The following ASTN2 variants were observed in gnomAD, a reference collection of about 807,000 sequenced individuals.
The protein encoded by ASTN2 is astrotactin-2.
Under a neutral mutation model 139.8 loss-of-function variants are expected in ASTN2, and 54 were observed. The observed-to-expected ratio is 0.39, with a 90% CI of 0.31 to 0.48. The LOEUF (loss-of-function observed/expected upper bound fraction) is 0.48. ASTN2 is among the 20% of genes least tolerant of loss of function. The pLI is 0.95. For synonymous variants in ASTN2, 756 were observed against 719.5 expected, an observed-to-expected ratio of 1.05 and a Z score of -0.81; for missense variants, 1,565 against 1,725.1, an observed-to-expected ratio of 0.91 and a Z score of 1.64.
At chr9:117,315,101 A>G (rs1400791674) in intron 1 of ASTN2, among the ~76,000 whole-genome samples, 1 of 151,698 alleles carries the variant, frequency 6.6e-6, no homozygotes, top group African/African-American at 2.4e-5. Flanking sequence ...GATGTTTTCT[A>G]TCAAAATCTC....
chr9:117,407,804 T>G (rs752375207), intron 1 of ASTN2, among the ~76,000 whole-genome samples: 8 of 152,182 alleles, frequency 5.3e-5, no homozygotes, highest in Non-Finnish European at 1.0e-4. Context: ...TCTGCTCCAT[T>G]GCAAGGAAAG....
At chr9:117,241,816 G>A (rs1216565706) in intron 2 of ASTN2, among the ~76,000 whole-genome samples, 1 of 151,904 alleles carries the variant, frequency 6.6e-6, no homozygotes, top group Non-Finnish European at 1.5e-5. Context: ...GAGTGGTAGG[G>A]ACTGTGGCAA....
chr9:117,135,934 G>A (rs10983541), intron 4 of ASTN2, among the ~76,000 whole-genome samples: 18,980 of 152,116 alleles, frequency 0.12, 1,437 homozygotes, highest in Non-Finnish European at 0.17. Flanking sequence ...TGGGTTGGGG[G>A]TCAGGAGTAG....
intron 1 of ASTN2, among the ~76,000 whole-genome samples, chr9:117,343,706 A>G (rs988678121): frequency 3.3e-5 from 5 of 152,142 alleles, no homozygotes; most frequent in Non-Finnish European, 5.9e-5. Flanking sequence ...CTCCACCCAC[A>G]TATATAGTTC....
chr9:116,707,283 A>T, intron 16 of ASTN2, among the ~76,000 whole-genome samples: 1 of 110,816 alleles, frequency 9.0e-6, no homozygotes, highest in Non-Finnish European at 1.9e-5. Context: ...ATGCCCCCTG[A>T]CCAAAAAAAA....
intron 13 of ASTN2, among the ~76,000 whole-genome samples, chr9:116,762,363 TC>T (rs2132169999): frequency 6.6e-6 from 1 of 152,304 alleles, no homozygotes; most frequent in South Asian, 2.1e-4. Flanking sequence ...TCTTTGTCTA[TC>T]TTGCAGGGCC....
At chr9:117,147,500 A>G (rs1169276450) in intron 3 of ASTN2, among the ~76,000 whole-genome samples, 1 of 151,140 alleles carries the variant, frequency 6.6e-6, no homozygotes, top group Non-Finnish European at 1.5e-5. Context: ...CCACGCAACC[A>G]CCCAGGACGT....
chr9:117,248,490 G>C (rs570754448), intron 2 of ASTN2, among the ~76,000 whole-genome samples: 1 of 152,334 alleles, frequency 6.6e-6, no homozygotes, highest in Non-Finnish European at 1.5e-5. Context: ...GGGAGTGGCA[G>C]AATTGCATTG....
At chr9:116,982,401 A>G (rs949073015) in intron 7 of ASTN2, among the ~76,000 whole-genome samples, 4 of 152,174 alleles carry the variant, frequency 2.6e-5, no homozygotes, top group Admixed American at 2.6e-4. Flanking sequence ...GTTTGGGTTC[A>G]TATAATTATT....
At chr9:117,058,807 C>T (rs1839146864) in intron 5 of ASTN2, among the ~76,000 whole-genome samples, 1 of 152,056 alleles carries the variant, frequency 6.6e-6, no homozygotes. Context: ...AATAGGGGGA[C>T]ATGAGTGAGT....
chr9:116,671,081 T>C (rs1055516136), intron 16 of ASTN2, among the ~76,000 whole-genome samples: 1 of 152,146 alleles, frequency 6.6e-6, no homozygotes, highest in African/African-American at 2.4e-5. Flanking sequence ...GTAGGCAGTT[T>C]GACAATTATA....
intron 1 of ASTN2, among the ~76,000 whole-genome samples, chr9:117,328,948 G>A (rs1828610046): frequency 6.6e-6 from 1 of 152,214 alleles, no homozygotes; most frequent in African/African-American, 2.4e-5. Flanking sequence ...TTAAGGTTTG[G>A]ATGCCATCGA....
chr9:116,622,371 G>A (rs1424473660), intron 17 of ASTN2, among the ~76,000 whole-genome samples: 2 of 152,064 alleles, frequency 1.3e-5, no homozygotes, highest in African/African-American at 2.4e-5. Flanking sequence ...TTTCACCTGA[G>A]TTAAGTGTCA....
chr9:117,045,999 T>TGTACGTACGTAC (rs1564399860), intron 5 of ASTN2, among the ~76,000 whole-genome samples: 1 of 131,160 alleles, frequency 7.6e-6, no homozygotes, highest in Non-Finnish European at 1.6e-5. Context: ...TACGTATGTA[T>TGTACGTACGTAC]GTATGTATGT....
At chr9:116,799,067 C>T (rs1331294567) in intron 13 of ASTN2, among the ~76,000 whole-genome samples, 2 of 124,666 alleles carry the variant, frequency 1.6e-5, no homozygotes, top group African/African-American at 6.4e-5. Flanking sequence ...AAAATGTACA[C>T]ACCATTAAAG....
intron 19 of ASTN2, among the ~76,000 whole-genome samples, chr9:116,575,524 C>G (rs1853689243): frequency 6.6e-6 from 1 of 152,106 alleles, no homozygotes; most frequent in Non-Finnish European, 1.5e-5. Flanking sequence ...AAAAGCACAT[C>G]TTTACTAAGC....
chr9:116,587,737 T>C (rs1291383744), intron 19 of ASTN2, among the ~76,000 whole-genome samples: 1 of 152,154 alleles, frequency 6.6e-6, no homozygotes, highest in African/African-American at 2.4e-5. Context: ...TATTGACATA[T>C]CTGGAAAATG....
chr9:116,639,543 T>C (rs541887013), intron 17 of ASTN2, among the ~76,000 whole-genome samples: 14 of 152,284 alleles, frequency 9.2e-5, no homozygotes, highest in Admixed American at 4.6e-4. Flanking sequence ...AGTTGCCTAA[T>C]GACCTAAGAA....
At chr9:116,515,271 A>T (rs971055637) in intron 19 of ASTN2, among the ~76,000 whole-genome samples, 5 of 152,200 alleles carry the variant, frequency 3.3e-5, no homozygotes, top group African/African-American at 1.2e-4. Flanking sequence ...CCCCTTAGGA[A>T]ATGGCAAAAA....
Sources: gnomAD v4.1 joint callset for allele counts (sites outside exome capture counted in the v4.1 genomes callset) on GRCh38, gnomAD v4.1.1 for gene constraint, MANE v1.5 for transcripts, NCBI Gene and HGNC (gene_info 2026-07-23, HGNC 2026-07-21) for gene names.